RNF38: variants seen among roughly 807,000 people sequenced by gnomAD.
RNF38 encodes the protein E3 ubiquitin-protein ligase RNF38.
RNF38 carries 15 observed loss-of-function variants against 67.2 expected under a neutral mutation model. That is an observed-to-expected ratio of 0.22 (90% CI 0.15 to 0.34). The LOEUF (loss-of-function observed/expected upper bound fraction) is 0.34, where lower values mean the gene tolerates loss of function less well. Among genes scored for constraint, RNF38 ranks in the 10% least tolerant of loss-of-function variants. The probability of loss-of-function intolerance (pLI) is 1.00; values close to 1 mark genes in which losing one functional copy is unlikely to be tolerated. For synonymous variants in RNF38, 220 were observed against 218.8 expected, an observed-to-expected ratio of 1.01 and a Z score of -0.05; for missense variants, 524 against 639.9, an observed-to-expected ratio of 0.82 and a Z score of 1.95.
At chr9:36,485,422 T>C (rs1840383146) in intron 1 of RNF38, among the ~76,000 whole-genome samples, 1 of 152,036 alleles carries the variant, frequency 6.6e-6, no homozygotes, top group Admixed American at 6.6e-5. Context: ...CATTTACATT[T>C]CCACTACACT....
chr9:36,359,844 C>CA (rs991189451), intron 4 of RNF38, among the ~76,000 whole-genome samples: 8 of 151,338 alleles, frequency 5.3e-5, no homozygotes, highest in African/African-American at 1.9e-4. Context: ...CTCCTGGTTT[C>CA]AAGCAATTCT....
chr9:36,371,407 T>C (rs917911618), intron 3 of RNF38, among the ~76,000 whole-genome samples: 42 of 152,228 alleles, frequency 2.8e-4, no homozygotes, highest in Non-Finnish European at 4.6e-4. Flanking sequence ...CTGTATTATA[T>C]TGAATTCAAG....
chr9:36,469,222 C>T (rs1267386747), intron 1 of RNF38, among the ~76,000 whole-genome samples: 1 of 152,142 alleles, frequency 6.6e-6, no homozygotes, highest in Non-Finnish European at 1.5e-5. Context: ...TTACTGTTGG[C>T]CCTTTCTATA....
At chr9:36,390,812 CA>C (rs756173238) in intron 1 of RNF38, among the ~76,000 whole-genome samples, 196 bp from the exon 2 acceptor site, 2 of 152,164 alleles carry the variant, frequency 1.3e-5, no homozygotes, top group Non-Finnish European at 2.9e-5. Flanking sequence ...ATCTCTCTTA[CA>C]AAAACTGTTG....
chr9:36,433,967 G>A (rs1057006905), intron 1 of RNF38, among the ~76,000 whole-genome samples: 2 of 151,750 alleles, frequency 1.3e-5, no homozygotes, highest in South Asian at 2.1e-4. Context: ...GGCCAGGCGC[G>A]GTGGCTCATG....
At chr9:36,444,311 G>T (rs1002205772) in intron 1 of RNF38, among the ~76,000 whole-genome samples, 1 of 152,154 alleles carries the variant, frequency 6.6e-6, no homozygotes, top group African/African-American at 2.4e-5. Flanking sequence ...AGGGTTGCAG[G>T]TTGGGGGGAA....
intron 1 of RNF38, among the ~76,000 whole-genome samples, chr9:36,487,100 G>A (rs995672218): frequency 2.0e-5 from 3 of 152,172 alleles, no homozygotes; most frequent in African/African-American, 4.8e-5. Context: ...CTGGGGGAGG[G>A]GGCTACCCAC....
At chr9:36,480,523 C>A (rs1409944572) in intron 1 of RNF38, among the ~76,000 whole-genome samples, 1 of 145,464 alleles carries the variant, frequency 6.9e-6, no homozygotes, top group Non-Finnish European at 1.5e-5. Flanking sequence ...GCTTGCTATT[C>A]TATGTATACA....
At chr9:36,361,451 C>T (rs1834531445) in intron 4 of RNF38, among the ~76,000 whole-genome samples, 1 of 151,834 alleles carries the variant, frequency 6.6e-6, no homozygotes, top group South Asian at 2.1e-4. Flanking sequence ...ACGTGAGCCA[C>T]CACGTCTGGC....
chr9:36,450,007 C>G (rs1243708967), intron 1 of RNF38, among the ~76,000 whole-genome samples: 1 of 152,190 alleles, frequency 6.6e-6, no homozygotes, highest in Non-Finnish European at 1.5e-5. Flanking sequence ...ATTGAATTCC[C>G]TCATGTATTT....
intron 4 of RNF38, among the ~76,000 whole-genome samples, chr9:36,358,449 A>T (rs1834288257): frequency 6.6e-6 from 1 of 152,238 alleles, no homozygotes; most frequent in Admixed American, 6.5e-5. Context: ...CTCCATGAAC[A>T]TATGAAAGCA....
At chr9:36,407,576 AG>A (rs1385918389) in intron 2 of RNF38, among the ~76,000 whole-genome samples, 1 of 152,232 alleles carries the variant, frequency 6.6e-6, no homozygotes, top group Non-Finnish European at 1.5e-5. Context: ...TGCACATCAC[AG>A]CATATTCAAC....
At chr9:36,376,232 G>T in intron 2 of RNF38, 105 bp from the exon 3 acceptor site, 1 of 828,632 alleles carries the variant, frequency 1.2e-6, no homozygotes, top group Non-Finnish European at 1.8e-6. Flanking sequence ...ATCTAAAAAT[G>T]TAAAGCGGGG....
chr9:36,433,177 T>C (rs1156540538), intron 1 of RNF38, among the ~76,000 whole-genome samples: 1 of 141,976 alleles, frequency 7.0e-6, no homozygotes, highest in Non-Finnish European at 1.5e-5. Context: ...GGTTAATGGG[T>C]ACAAAAAAAA....
intron 1 of RNF38, among the ~76,000 whole-genome samples, chr9:36,479,463 G>A (rs1840198179): frequency 6.6e-6 from 1 of 152,220 alleles, no homozygotes; most frequent in South Asian, 2.1e-4. Flanking sequence ...CCTCCCATGT[G>A]GGGGTGGAGA....
In RNF38 at chr9:36,383,224, A is replaced by G. The variant is rs560114561; in HGVS notation, c.163-7097T>C. 2.6e-5 allele frequency among the ~76,000 whole-genome samples: 4 copies of G among 152,296 alleles called. No homozygotes were observed. The South Asian group carries it at 8.3e-4, about 32-fold the overall frequency. On this transcript the variant is annotated intron_variant, in intron 2 of 11. Transcript: ENST00000259605. ...AAAATGTGGTTTTTTGGTTGCTGAG[A>G]CAGAGTCTCGCTCTGCTGCCAGGCT...
At position 36,342,386 on chromosome 9, in the gene RNF38, A is replaced by G; in HGVS notation, c.1424T>C (p.Leu475Pro). 1 of 1,614,002 alleles carries G rather than the reference A, an allele frequency of 6.2e-7. No homozygotes were observed. The change falls in exon 11 of 12, where the codon CTA becomes CCA. Residue 475 changes from leucine (L) to proline (P), a missense_variant. Physicochemically the swap from Leu to Pro is moderately conservative, Grantham distance 98 (BLOSUM62 -3). Coordinates refer to ENST00000259605, the MANE Select transcript of RNF38 (RefSeq NM_022781.5). ...VCMCDFESRQ[L>P]LRVLPCNHEF... ...GTGGTTACAGGGTAAGACTCTAAGT[A>G]GCTGCCTTGACTCAAAATCACACAT...
intron 2 of RNF38, among the ~76,000 whole-genome samples, chr9:36,388,543 C>T (rs1836817150): frequency 6.6e-6 from 1 of 151,920 alleles, no homozygotes; most frequent in Admixed American, 6.6e-5. Context: ...GTAGAAACAA[C>T]AGTAAGAATC....
At chr9:36,379,397 T>C (rs1836033893) in intron 2 of RNF38, among the ~76,000 whole-genome samples, 2 of 152,222 alleles carry the variant, frequency 1.3e-5, no homozygotes, top group South Asian at 4.1e-4. Flanking sequence ...ATAAGAATTA[T>C]ATTAACATCA....
Sources: gnomAD v4.1 joint callset for allele counts (sites outside exome capture counted in the v4.1 genomes callset) on GRCh38, gnomAD v4.1.1 for gene constraint, MANE v1.5 for transcripts, NCBI Gene and HGNC (gene_info 2026-07-23, HGNC 2026-07-21) for gene names.